The following RECK variants were observed in gnomAD, a reference collection of about 807,000 sequenced individuals.
RECK encodes the protein reversion-inducing cysteine-rich protein with Kazal motifs.
RECK carries 69 observed loss-of-function variants against 115.1 expected under a neutral mutation model. That is an observed-to-expected ratio of 0.60 (90% CI 0.49 to 0.73). The LOEUF is 0.73. Among genes scored for constraint, RECK ranks in the 30% least tolerant of loss-of-function variants. The pLI is 0.00. For missense variants in RECK, 1,047 were observed against 1,203.7 expected, an observed-to-expected ratio of 0.87 and a Z score of 1.93; for synonymous variants, 414 against 419.7, an observed-to-expected ratio of 0.99 and a Z score of 0.17.
chr9:36,072,555 A>T (rs1048563565), intron 6 of RECK: 1 of 152,238 alleles, frequency 6.6e-6, no homozygotes, highest in Non-Finnish European at 1.5e-5. Context: ...CTCAGGACCT[A>T]AAAGTAAAGC....
rs766773594 is a variant in RECK at position 36,112,429 on chromosome 9, C to T, written c.2013C>T (p.Cys671=). The change falls in exon 16 of 21, where the codon TGC becomes TGT. Residue 671 remains cysteine (C), a synonymous_variant. Coordinates refer to ENST00000377966, the MANE Select transcript of RECK (RefSeq NM_021111.3). ...LQDHQFEFGS[C]MSKDPCNPNP... ...ACCATCAGTTTGAGTTTGGATCATG[C>T]ATGTCAAAGGATCCATGTAATCCTA... The T allele has an allele frequency of 5.6e-6, 9 of 1,614,092 alleles. No individual in the cohort carries two copies. Among genetic ancestry groups the T allele is most frequent in the South Asian group, 1.1e-5 (1 of 91,076 alleles).
intron 7 of RECK, 81 bp downstream of exon 7, chr9:36,080,719 GATAGGCTCTTTCCC>G: frequency 8.0e-7 from 1 of 1,248,126 alleles, no homozygotes; most frequent in South Asian, 1.3e-5. Context: ...GCAGGATTCC[GATAGGCTCTTTCCC>G]ATGGTGTATT....
chr9:36,084,511 A>G (rs953506075), intron 8 of RECK, among the ~76,000 whole-genome samples: 10 of 152,030 alleles, frequency 6.6e-5, no homozygotes, highest in African/African-American at 2.4e-4. Flanking sequence ...CCTGACCAAC[A>G]TGTTGAAACC....
chr9:36,115,194 A>G (rs927326407), intron 16 of RECK, among the ~76,000 whole-genome samples: 5 of 151,916 alleles, frequency 3.3e-5, no homozygotes, highest in African/African-American at 1.2e-4. Context: ...ACACGCCTGT[A>G]ATTCCAGCTA....
intron 18 of RECK, 63 bp from the exon 19 acceptor site, chr9:36,120,600 A>G (rs1317889959): frequency 1.5e-6 from 2 of 1,328,702 alleles, no homozygotes; most frequent in East Asian, 2.3e-5. Flanking sequence ...ACATTTCACT[A>G]AGGATTTTAA....
intron 20 of RECK, 38 bp from the exon 21 acceptor site, chr9:36,122,786 G>C (rs766898967): frequency 5.8e-6 from 9 of 1,555,686 alleles, no homozygotes; most frequent in Non-Finnish European, 7.1e-6. Flanking sequence ...AAAACGTTCT[G>C]TGGTTTTATA....
At chr9:36,096,535 C>G (rs1823348242) in intron 10 of RECK, among the ~76,000 whole-genome samples, 1 of 151,560 alleles carries the variant, frequency 6.6e-6, no homozygotes, top group African/African-American at 2.4e-5. Context: ...AAAACTCTGT[C>G]TCAAAAAAAG....
At chr9:36,072,953 T>A (rs1205808062) in intron 6 of RECK, among the ~76,000 whole-genome samples, 1 of 152,138 alleles carries the variant, frequency 6.6e-6, no homozygotes, top group Non-Finnish European at 1.5e-5. Context: ...TGGTCTCATC[T>A]TAAGTGGCCA....
At chr9:36,078,594 T>C (rs745662271) in intron 6 of RECK, among the ~76,000 whole-genome samples, 11 of 152,050 alleles carry the variant, frequency 7.2e-5, no homozygotes, top group Non-Finnish European at 1.5e-4. Context: ...CGCTGCCAAA[T>C]GTACCATGGG....
chr9:36,071,267 G>A (rs1305426323), intron 6 of RECK, among the ~76,000 whole-genome samples: 1 of 152,126 alleles, frequency 6.6e-6, no homozygotes, highest in Non-Finnish European at 1.5e-5. Context: ...AAAATTTTTT[G>A]GTTGTTGATG....
In RECK at chr9:36,066,859, A is replaced by G. The variant is rs10511926; in HGVS notation, c.405+1235A>G. 7,272 of 1,287,548 alleles carry G rather than the reference A, an allele frequency of 5.6e-3. 283 individuals carry two copies. The African/African-American group carries it at 0.088, about 16-fold the overall frequency. 79.8% of individuals were successfully genotyped at this position (1,287,548 alleles called of 1,614,324 possible). A position where few individuals can be genotyped will look rare whatever the true frequency, so the allele number is the denominator to read the frequency against. On this transcript the variant is annotated intron_variant, in intron 6 of 20. Transcript: ENST00000377966. ...CTGCCAGTATGTGTTGATGAAGGACAAGACAGGAAAGGTAAGAGAGACAAA... is the reference window on the plus strand; with the variant it reads ...CTGCCAGTATGTGTTGATGAAGGACGAGACAGGAAAGGTAAGAGAGACAAA...
At chr9:36,061,989 A>C (rs1821788449) in intron 4 of RECK, among the ~76,000 whole-genome samples, 1 of 151,424 alleles carries the variant, frequency 6.6e-6, no homozygotes, top group South Asian at 2.1e-4. Context: ...AATCCCTGAC[A>C]TTTTTTTTCA....
At chr9:36,062,772 C>T (rs1821831083) in intron 4 of RECK, among the ~76,000 whole-genome samples, 1 of 152,140 alleles carries the variant, frequency 6.6e-6, no homozygotes, top group Non-Finnish European at 1.5e-5. Flanking sequence ...GCCACTGAGC[C>T]TGGCCCTATC....
At chr9:36,112,249 A>G (rs1221653095) in intron 15 of RECK, 56 bp from the exon 16 acceptor site, 7 of 1,551,308 alleles carry the variant, frequency 4.5e-6, no homozygotes, top group East Asian at 4.5e-5. Flanking sequence ...ACAAGGAAAT[A>G]TAAGGGGAGG....
Position 36,094,554 on chromosome 9 carries a change from G to T in RECK, c.1085+3211G>T, listed in dbSNP as rs1823269136. Among the ~76,000 whole-genome samples the T allele has an allele frequency of 6.6e-6, 1 of 152,002 alleles. No homozygotes were observed. Among genetic ancestry groups the T allele is most frequent in the Admixed American group, 6.6e-5 (1 of 15,256 alleles). On this transcript the variant is annotated intron_variant, in intron 10 of 20. Transcript: ENST00000377966. The surrounding 1 kb of genome is among the most constrained non-coding windows in gnomAD (Gnocchi z 4.1). ...CAAAAGAAGACAGAAAGAAAAAGGA[G>T]ACAAATTGAAAACCACAGCAAAATG...
chr9:36,095,398 CACAT>C (rs1314765266), intron 10 of RECK, among the ~76,000 whole-genome samples: 6 of 152,098 alleles, frequency 3.9e-5, no homozygotes, highest in Non-Finnish European at 7.4e-5. Context: ...GCTTACCAAA[CACAT>C]AAGGAAAAAA....
intron 1 of RECK, among the ~76,000 whole-genome samples, chr9:36,047,605 A>C (rs1375572931): frequency 6.6e-6 from 1 of 152,110 alleles, no homozygotes; most frequent in Non-Finnish European, 1.5e-5. Context: ...ACTCTCAAAA[A>C]AAACAAAAAC....
intron 5 of RECK, among the ~76,000 whole-genome samples, chr9:36,065,151 A>G (rs1821936491): frequency 6.6e-6 from 1 of 150,418 alleles, no homozygotes; most frequent in Admixed American, 6.6e-5. Flanking sequence ...TTAGAATGTG[A>G]AGAGTTAAAG....
intron 6 of RECK, among the ~76,000 whole-genome samples, chr9:36,071,604 T>C (rs1437429585): frequency 1.3e-5 from 2 of 152,244 alleles, no homozygotes; most frequent in African/African-American, 4.8e-5. Flanking sequence ...AGAAATGTCA[T>C]TTTCATGTCT....
Sources: allele counts gnomAD v4.1 joint callset (sites outside exome capture counted in the v4.1 genomes callset), GRCh38; gene constraint gnomAD v4.1.1; non-coding constraint Gnocchi (gnomAD v3.1); transcripts MANE v1.5; gene names NCBI Gene and HGNC (gene_info 2026-07-23, HGNC 2026-07-21).